Variants in PLCH1 observed in about 807,000 individuals in gnomAD.
PLCH1 encodes phospholipase C eta 1.
A neutral mutation model predicts 126.7 loss-of-function variants in PLCH1; 60 were observed. The observed-to-expected ratio is 0.47, with a 90% confidence interval of 0.38 to 0.59. The LOEUF (loss-of-function observed/expected upper bound fraction) is 0.59. Ranked by LOEUF, PLCH1 falls within the 20% of genes least tolerant of loss-of-function variation. The pLI is 0.00. For synonymous variants in PLCH1, 719 were observed against 734.9 expected (o/e 0.98, Z 0.35); for missense variants, 1,723 against 2,040.0 (o/e 0.84, Z 2.99).
chr3:155,474,079 A>G (rs1713409088), intron 21 of PLCH1, among the ~76,000 whole-genome samples: 1 of 152,196 alleles, frequency 6.6e-6, no homozygotes, highest in African/African-American at 2.4e-5. Flanking sequence ...GACAAATGGG[A>G]TCTAATTAAA....
intron 1 of PLCH1, among the ~76,000 whole-genome samples, chr3:155,734,890 T>C (rs1363680977): frequency 6.6e-6 from 1 of 152,078 alleles, no homozygotes; most frequent in African/African-American, 2.4e-5. Flanking sequence ...TTTGTATTTT[T>C]AGTAGTGACG....
At chr3:155,452,099 C>G (rs1712322052) in intron 21 of PLCH1, among the ~76,000 whole-genome samples, 1 of 152,128 alleles carries the variant, frequency 6.6e-6, no homozygotes, top group Non-Finnish European at 1.5e-5. Context: ...TAAAGACATA[C>G]CCAAGACTGG....
intron 2 of PLCH1, among the ~76,000 whole-genome samples, chr3:155,613,098 A>C (rs139370993): frequency 1.0e-3 from 155 of 152,216 alleles, no homozygotes; most frequent in Non-Finnish European, 1.7e-3. Flanking sequence ...AGATTAAACA[A>C]GAAAGAAATG....
intron 21 of PLCH1, among the ~76,000 whole-genome samples, chr3:155,453,585 C>A (rs1326573225): frequency 6.6e-6 from 1 of 151,938 alleles, no homozygotes; most frequent in Non-Finnish European, 1.5e-5. Context: ...ACTACTTATT[C>A]AATGCATAAA....
At chr3:155,686,868 A>G (rs1291745961) in intron 2 of PLCH1, among the ~76,000 whole-genome samples, 1 of 152,212 alleles carries the variant, frequency 6.6e-6, no homozygotes, top group Non-Finnish European at 1.5e-5. Flanking sequence ...TTCTATTTAA[A>G]AAAATGAACA....
Position 155,569,346 on chromosome 3 carries a change from A to G in PLCH1, c.772-1022T>C, listed in dbSNP as rs550480155. Among the ~76,000 whole-genome samples the G allele has an allele frequency of 8.5e-5, 13 of 152,270 alleles. No homozygotes were observed. In the South Asian group the frequency reaches 2.3e-3, roughly 27 times the overall value. ...AATATTCCATTTTTGTTTAGGTTTA[A>G]TACTTACATTTTAATAAAATCTAGT... On this transcript the variant is annotated intron_variant, in intron 6 of 22. Transcript: ENST00000460012.
intron 21 of PLCH1, among the ~76,000 whole-genome samples, chr3:155,461,622 T>A (rs1434758488): frequency 6.6e-6 from 1 of 152,146 alleles, no homozygotes; most frequent in Non-Finnish European, 1.5e-5. Context: ...TCATGGGAAA[T>A]CCTCTATAAC....
chr3:155,715,132 T>C (rs973405061), intron 1 of PLCH1, among the ~76,000 whole-genome samples: 6 of 152,244 alleles, frequency 3.9e-5, no homozygotes, highest in Non-Finnish European at 8.8e-5. Context: ...TTGTTCATAA[T>C]ATTATTCATA....
intron 21 of PLCH1, among the ~76,000 whole-genome samples, chr3:155,460,843 T>C (rs890650455): frequency 2.1e-5 from 3 of 145,080 alleles, no homozygotes; most frequent in African/African-American, 7.7e-5. Flanking sequence ...GATAGATAGA[T>C]AGTGGTGGGT....
At chr3:155,453,533 A>C (rs945554151) in intron 21 of PLCH1, among the ~76,000 whole-genome samples, 1 of 152,134 alleles carries the variant, frequency 6.6e-6, no homozygotes, top group African/African-American at 2.4e-5. Context: ...ACATTACTTA[A>C]AGTAAATCAT....
Position 155,485,558 on chromosome 3 carries a change from G to A in PLCH1, c.2772C>T (p.Ser924=). 1 of 1,614,150 alleles carries A rather than the reference G, an allele frequency of 6.2e-7. No homozygotes were observed. Among genetic ancestry groups the A allele is most frequent in the Non-Finnish European group, 8.5e-7 (1 of 1,180,016 alleles). The change falls in exon 22 of 23, where the codon AGC becomes AGT. Residue 924 remains serine (S), a synonymous_variant. Coordinates refer to ENST00000460012, the MANE Select transcript of PLCH1 (RefSeq NM_014996.4). ...ASAPAKGRKK[S]KMGFQEMVEI... ...CCACCATTTCTTGGAAGCCCATTTT[G>A]CTCTTTTTCCTGCCTTTGGCTGGGG...
chr3:155,517,405 C>T (rs1720490195), intron 11 of PLCH1, among the ~76,000 whole-genome samples: 3 of 152,164 alleles, frequency 2.0e-5, no homozygotes, highest in African/African-American at 4.8e-5. Flanking sequence ...TTTTCTCACA[C>T]GTCTGGAGGC....
Position 155,497,328 on chromosome 3 carries a change from A to G in PLCH1, c.1886T>C (p.Val629Ala), listed in dbSNP as rs1402660737. Reference protein sequence around the residue: ...YTNSVAAQDIVDDGTTGNVLS... With the variant: ...YTNSVAAQDIADDGTTGNVLS... ...AAACTCTCCATCCTTACCGTCATCC[A>G]CAATGTCCTGAGCGGCCACGGAGTT... Residue 629 changes from valine (V) to alanine (A), a missense_variant, in exon 15 of 23, where the codon GTG becomes GCG. Val to Ala is a moderately conservative substitution (Grantham distance 64). Coordinates refer to ENST00000460012, the MANE Select transcript of PLCH1 (RefSeq NM_014996.4). 19 of 1,604,150 alleles carry G rather than the reference A, an allele frequency of 1.2e-5. No individual in the cohort carries two copies. In the Admixed American group the frequency reaches 2.2e-4, roughly 18 times the overall value.
At chr3:155,659,760 A>G (rs969401540) in intron 2 of PLCH1, among the ~76,000 whole-genome samples, 1 of 151,994 alleles carries the variant, frequency 6.6e-6, no homozygotes, top group African/African-American at 2.4e-5. Context: ...CGGCCTCCCA[A>G]AGGACTGGGA....
chr3:155,693,861 C>T (rs909598345), intron 2 of PLCH1, among the ~76,000 whole-genome samples: 1 of 151,830 alleles, frequency 6.6e-6, no homozygotes, highest in African/African-American at 2.4e-5. Flanking sequence ...ACCCGGGAGG[C>T]AGAGGTTGCA....
At chr3:155,701,847 G>A (rs891831569) in intron 2 of PLCH1, among the ~76,000 whole-genome samples, 3 of 152,136 alleles carry the variant, frequency 2.0e-5, no homozygotes, top group East Asian at 3.9e-4. Context: ...GGTAGAAGAA[G>A]AGCAAAAGGC....
chr3:155,568,189 C>A, intron 7 of PLCH1, 42 bp downstream of exon 7: 2 of 878,242 alleles, frequency 2.3e-6, no homozygotes, highest in South Asian at 1.5e-5. Flanking sequence ...ACTTAACAGG[C>A]TGAATCAAGA....
intron 1 of PLCH1, among the ~76,000 whole-genome samples, chr3:155,733,142 G>A (rs560915024): frequency 6.6e-6 from 1 of 152,026 alleles, no homozygotes; most frequent in Non-Finnish European, 1.5e-5. Flanking sequence ...ATTACTCAAA[G>A]CAATCTACAT....
chr3:155,712,912 C>T (rs1747244659), intron 1 of PLCH1, among the ~76,000 whole-genome samples: 1 of 151,388 alleles, frequency 6.6e-6, no homozygotes, highest in African/African-American at 2.4e-5. Context: ...AAAACCAATA[C>T]TCCCTTTACA....
Sources: gnomAD v4.1 joint callset for allele counts (sites outside exome capture counted in the v4.1 genomes callset) on GRCh38, gnomAD v4.1.1 for gene constraint, MANE v1.5 for transcripts, NCBI Gene and HGNC (gene_info 2026-07-23, HGNC 2026-07-21) for gene names.